OR2T6: variants seen among roughly 807,000 people sequenced by gnomAD.
The protein encoded by OR2T6 is olfactory receptor family 2 subfamily T member 6, also known as olfactory receptor 2T6.
For synonymous variants in OR2T6, 174 were observed against 148.0 expected, an observed-to-expected ratio of 1.18 and a Z score of -1.27; for missense variants, 424 against 391.6, an observed-to-expected ratio of 1.08 and a Z score of -0.70.
chr1:248,380,936 C>A (rs1023742245), intron 1 of OR2T6, among the ~76,000 whole-genome samples: 1 of 151,720 alleles, frequency 6.6e-6, no homozygotes, highest in African/African-American at 2.4e-5. Context: ...TATGTCATTC[C>A]TTTTTGCATT....
At chr1:248,381,861 C>CA (rs1347895330) in intron 1 of OR2T6, among the ~76,000 whole-genome samples, 1 of 151,436 alleles carries the variant, frequency 6.6e-6, no homozygotes, top group Admixed American at 6.6e-5. Flanking sequence ...TGTTTATCCC[C>CA]CCTAATTTAT....
intron 1 of OR2T6, among the ~76,000 whole-genome samples, chr1:248,376,668 CTTTTA>C (rs10562177): frequency 0.07 from 10,702 of 151,818 alleles, 1,137 homozygotes; most frequent in African/African-American, 0.23. Flanking sequence ...TTTTTTTCAA[CTTTTA>C]TTTTAGATTC....
chr1:248,381,349 T>C (rs2103068759), intron 1 of OR2T6, among the ~76,000 whole-genome samples: 1 of 152,144 alleles, frequency 6.6e-6, no homozygotes, highest in South Asian at 2.1e-4. Context: ...TTCTTCATAA[T>C]TGTATATGTT....
intron 1 of OR2T6, among the ~76,000 whole-genome samples, chr1:248,380,017 C>T (rs879397506): frequency 6.6e-6 from 1 of 151,896 alleles, no homozygotes; most frequent in Non-Finnish European, 1.5e-5. Context: ...CTCCCCCCAC[C>T]TATATGTGTG....
intron 1 of OR2T6, among the ~76,000 whole-genome samples, chr1:248,379,701 G>A (rs1661000299): frequency 6.7e-6 from 1 of 149,196 alleles, no homozygotes; most frequent in East Asian, 1.9e-4. Flanking sequence ...TAAAATAAAT[G>A]ATTAATTAAT....
Position 248,389,367 on chromosome 1 carries a change from T to G in OR2T6, c.*832T>G, listed in dbSNP as rs1661210833. On this transcript the variant is annotated 3_prime_UTR_variant, in exon 3 of 3. Transcript: ENST00000641644. ...GTTGTTGGAGCTATTTCTACCAACTTTTCTCTTTTAAAAAAGTAGTAGACA... is the reference window on the plus strand; with the variant it reads ...GTTGTTGGAGCTATTTCTACCAACTGTTCTCTTTTAAAAAAGTAGTAGACA... 6.6e-6 allele frequency: 1 copy of G among 152,192 alleles called. No homozygotes were observed. Among genetic ancestry groups the G allele is most frequent in the Non-Finnish European group, 1.5e-5 (1 of 68,034 alleles). The allele number at this position is 152,192 out of a possible 1,614,324, so 9.4% of individuals were successfully genotyped here.
chr1:248,388,628 G>T lies in OR2T6; in HGVS notation c.*93G>T, dbSNP rs189744565. ...ATGGGGTCGTATCATGGATACCACG[G>T]ATGATGCTGACAGGAACTTTCAATA... On this transcript the variant is annotated 3_prime_UTR_variant, in exon 3 of 3. Transcript: ENST00000641644. 4,287 of 933,974 alleles carry T rather than the reference G, an allele frequency of 4.6e-3. 24 individuals are homozygous for T. Among genetic ancestry groups the T allele is most frequent in the Non-Finnish European group, 5.4e-3 (3,402 of 633,230 alleles). The allele number at this position is 933,974 out of a possible 1,614,324, so 57.9% of individuals were successfully genotyped here.
At chr1:248,382,536 C>CTTTT (rs1553310854) in intron 1 of OR2T6, among the ~76,000 whole-genome samples, 2 of 60,510 alleles carry the variant, frequency 3.3e-5, no homozygotes, top group Admixed American at 1.5e-4. Flanking sequence ...TTCTTTCTTT[C>CTTTT]TTTTTTTTTT....
Position 248,388,317 on chromosome 1 carries a change from G to C in OR2T6, c.709G>C (p.Ala237Pro). The C allele has an allele frequency of 6.2e-7, 1 of 1,613,712 alleles. No individual in the cohort carries two copies. Among genetic ancestry groups the C allele is most frequent in the South Asian group, 1.1e-5 (1 of 91,036 alleles). ...GACATCGGCTGAAGGGAGGAAGAAG[G>C]CCTTTGCCACCTGCTCTTCACACAT... is the stretch of plus-strand genomic sequence containing the variant. Reference protein sequence around the residue: ...QMTSAEGRKKAFATCSSHMMV... With the variant: ...QMTSAEGRKKPFATCSSHMMV... The change falls in exon 3 of 3, where the codon GCC becomes CCC. Residue 237 changes from alanine to proline, a missense_variant. Transcript: ENST00000641644.
In OR2T6 at chr1:248,388,251, A is replaced by C. The variant is rs1427017454; in HGVS notation, c.643A>C (p.Thr215Pro). Residue 215 changes from threonine (T) to proline (P), a missense_variant, in exon 3 of 3, where the codon ACT (threonine) becomes CCT (proline). Coordinates refer to ENST00000641644, the MANE Select transcript of OR2T6 (RefSeq NM_001005471.2). ...GCTGCTGATCCCCTTCTCGGTGGTGACTGCATCCTACACCAGGATTCTCAT... is the reference window on the plus strand; with the variant it reads ...GCTGCTGATCCCCTTCTCGGTGGTGCCTGCATCCTACACCAGGATTCTCAT... ...AMLLIPFSVV[T>P]ASYTRILITV... 10 of 1,602,254 alleles carry C rather than the reference A, an allele frequency of 6.2e-6. No individual in the cohort carries two copies. The highest frequency in any genetic ancestry group is 1.6e-4 in the Middle Eastern group (1 of 6,068).
intron 1 of OR2T6, among the ~76,000 whole-genome samples, chr1:248,384,192 T>C (rs1212229976): frequency 4.6e-5 from 3 of 65,674 alleles, no homozygotes; most frequent in Non-Finnish European, 9.1e-5. Context: ...AAGTGTTTCC[T>C]AGTGTTATCA....
chr1:248,389,188 T>C lies in OR2T6; in HGVS notation c.*653T>C, dbSNP rs1661208332. 6.6e-6 allele frequency: 1 copy of C among 152,224 alleles called. No homozygotes were observed. Among genetic ancestry groups the C allele is most frequent in the African/African-American group, 2.4e-5 (1 of 41,458 alleles). The allele number at this position is 152,224 out of a possible 1,614,324, so 9.4% of individuals were successfully genotyped here. A position where few individuals can be genotyped will look rare whatever the true frequency, so the allele number is the denominator to read the frequency against. On this transcript the variant is annotated 3_prime_UTR_variant, in exon 3 of 3. Transcript: ENST00000641644. ...GAGGGAGTCTGTAATGTTAGTTTTT[T>C]AATATGGTAACTAACTGTTACATTG...
chr1:248,378,504 C>T (rs28430731), intron 1 of OR2T6, among the ~76,000 whole-genome samples: 13,600 of 152,010 alleles, frequency 0.089, 1,876 homozygotes, highest in African/African-American at 0.3. Flanking sequence ...CCCAGTTATC[C>T]GAATTCTCAT....
At chr1:248,377,580 C>T (rs971514118) in intron 1 of OR2T6, among the ~76,000 whole-genome samples, 2 of 152,352 alleles carry the variant, frequency 1.3e-5, no homozygotes, top group East Asian at 1.9e-4. Context: ...GCATGGGGCT[C>T]GCCCCTGTCA....
chr1:248,391,785 A>G lies in OR2T6; in HGVS notation c.*3250A>G, dbSNP rs1456630240. The G allele has an allele frequency of 2.6e-5, 4 of 152,188 alleles. No individual in the cohort carries two copies. Among genetic ancestry groups the G allele is most frequent in the Non-Finnish European group, 2.9e-5 (2 of 68,036 alleles). 9.4% of individuals were successfully genotyped at this position (152,188 alleles called of 1,614,324 possible). On this transcript the variant is annotated 3_prime_UTR_variant, in exon 3 of 3. Coordinates refer to ENST00000641644, the MANE Select transcript of OR2T6 (RefSeq NM_001005471.2). The stretch of plus-strand genomic sequence containing the variant: ...AAACCTCATTGTTCTAAAATATAAA[A>G]TTTCATTTTAAAACAGTTTTCTAAC...
rs1251617209 is a variant in OR2T6 at position 248,387,801 on chromosome 1, C to A, written c.193C>A (p.His65Asn). Residue 65 changes from histidine to asparagine, a missense_variant, in exon 3 of 3, where the codon CAC becomes AAC. By Grantham distance (68) the His-to-Asn change is moderately conservative (BLOSUM62 1). Transcript: ENST00000641644. ...LHTPMYFLLS[H>N]LSVIDTLYIS... ...CACCCCCATGTACTTCCTCCTCAGC[C>A]ACCTCTCCGTCATTGACACATTATA... is the stretch of plus-strand genomic sequence containing the variant. The A allele has an allele frequency of 6.2e-7, 1 of 1,610,430 alleles. No homozygotes were observed. The highest frequency in any genetic ancestry group is 8.5e-7 in the Non-Finnish European group (1 of 1,177,048).
chr1:248,386,102 G>A (rs1661132444), intron 2 of OR2T6, among the ~76,000 whole-genome samples: 1 of 152,170 alleles, frequency 6.6e-6, no homozygotes, highest in Admixed American at 6.6e-5. Context: ...GCTGGCTGCC[G>A]GCTCTGTGCA....
intron 1 of OR2T6, among the ~76,000 whole-genome samples, chr1:248,377,081 G>A (rs1409921946): frequency 6.6e-6 from 1 of 152,196 alleles, no homozygotes; most frequent in Non-Finnish European, 1.5e-5. Flanking sequence ...TTGCTATCGT[G>A]TGATGGTTGG....
intron 2 of OR2T6, among the ~76,000 whole-genome samples, chr1:248,385,347 GA>G (rs746764356): frequency 1.4e-4 from 21 of 152,300 alleles, no homozygotes; most frequent in Admixed American, 5.9e-4. Flanking sequence ...CATGTACTGA[GA>G]AGTTTGAAAC....
Sources: gnomAD v4.1 joint callset for allele counts (sites outside exome capture counted in the v4.1 genomes callset) on GRCh38, gnomAD v4.1.1 for gene constraint, MANE v1.5 for transcripts, NCBI Gene and HGNC (gene_info 2026-07-23, HGNC 2026-07-21) for gene names.